Variants in GLYATL2 observed in about 807,000 individuals in gnomAD.
GLYATL2 encodes the protein glycine-N-acyltransferase like 2, also known as glycine N-acyltransferase-like protein 2.
In GLYATL2, 25 loss-of-function variants were observed where a neutral mutation model predicts 21.4. The ratio of observed to expected loss-of-function variants is 1.17; its 90% confidence interval spans 0.85 to 1.63. The LOEUF (loss-of-function observed/expected upper bound fraction) is 1.63. Among genes scored for constraint, GLYATL2 ranks in the 40% most tolerant of loss-of-function variants. The probability of loss-of-function intolerance (pLI) is 0.00; values close to 1 mark genes in which losing one functional copy is unlikely to be tolerated. For missense variants in GLYATL2, 361 were observed against 343.3 expected (o/e 1.05, Z -0.41); for synonymous variants, 114 against 118.2 (o/e 0.96, Z 0.23).
At chr11:58,869,630 G>A (rs889874429) in intron 1 of GLYATL2, among the ~76,000 whole-genome samples, 9 of 152,174 alleles carry the variant, frequency 5.9e-5, no homozygotes, top group African/African-American at 2.2e-4. Context: ...GTATGCACAT[G>A]TGTTACCTTA....
intron 1 of GLYATL2, chr11:58,885,505 C>A (rs1442689458): frequency 4.0e-6 from 2 of 501,014 alleles, no homozygotes; most frequent in Non-Finnish European, 8.0e-6. Context: ...ACTCCTGGCC[C>A]GAGTATCAGA....
At chr11:58,848,129 C>G (rs1338012695), upstream of GLYATL2, among the ~76,000 whole-genome samples, 1 of 151,408 alleles carries the variant, frequency 6.6e-6, no homozygotes, top group Non-Finnish European at 1.5e-5. Context: ...CTTCAAAAAC[C>G]ACAGTATTAC....
rs574497 is a variant in GLYATL2 at position 58,877,625 on chromosome 11, C to T, written n.60+26531G>A. On this transcript the variant is annotated intron_variant and non_coding_transcript_variant, in intron 1 of 4. Coordinates refer to the GLYATL2 transcript ENST00000533636. ...AAGAGAGTGTGCTGTCTTGGAAACCCAGTGAAGAAAGTCCATTAAAGAATG... is the reference window on the plus strand; with the variant it reads ...AAGAGAGTGTGCTGTCTTGGAAACCTAGTGAAGAAAGTCCATTAAAGAATG... 4.7e-3 allele frequency among the ~76,000 whole-genome samples: 712 copies of T among 152,266 alleles called. 6 individuals carry two copies. Among genetic ancestry groups the T allele is most frequent in the African/African-American group, 0.016 (676 of 41,502 alleles).
At chr11:58,851,300 C>T (rs1402664849) in intron 1 of GLYATL2, among the ~76,000 whole-genome samples, 1 of 152,158 alleles carries the variant, frequency 6.6e-6, no homozygotes, top group Non-Finnish European at 1.5e-5. Context: ...AACGCACAGA[C>T]CCTGTGGGGC....
intron 1 of GLYATL2, chr11:58,892,489 A>C (rs1430471963): frequency 1.2e-5 from 2 of 167,184 alleles, no homozygotes; most frequent in Non-Finnish European, 2.7e-5. Flanking sequence ...AAATTCACAG[A>C]AACTCTGGGG....
intron 1 of GLYATL2, among the ~76,000 whole-genome samples, chr11:58,843,730 T>G (rs994787341): frequency 6.7e-6 from 1 of 149,398 alleles, no homozygotes; most frequent in Non-Finnish European, 1.5e-5. Flanking sequence ...CAGGGAAAAA[T>G]GTACTTAAAA....
chr11:58,862,991 G>T (rs1853958571), intron 1 of GLYATL2, among the ~76,000 whole-genome samples: 1 of 152,200 alleles, frequency 6.6e-6, no homozygotes, highest in Non-Finnish European at 1.5e-5. Context: ...TCTTGGTAGG[G>T]TGTCTGTTGT....
chr11:58,849,687 C>T (rs1208621404), upstream of GLYATL2, among the ~76,000 whole-genome samples: 1 of 152,134 alleles, frequency 6.6e-6, no homozygotes, highest in East Asian at 1.9e-4. Context: ...AACACAAGAA[C>T]AGAAAACCAA....
intron 1 of GLYATL2, among the ~76,000 whole-genome samples, chr11:58,850,373 C>A (rs1853718085): frequency 6.6e-6 from 1 of 151,956 alleles, no homozygotes; most frequent in East Asian, 1.9e-4. Context: ...CGAGCTGTTC[C>A]AGTGTGATAA....
At chr11:58,891,766 G>A (rs1022864456) in intron 1 of GLYATL2, among the ~76,000 whole-genome samples, 3 of 152,186 alleles carry the variant, frequency 2.0e-5, no homozygotes, top group Non-Finnish European at 4.4e-5. Flanking sequence ...GAGGTTACGT[G>A]GGGCACAGTA....
intron 1 of GLYATL2, among the ~76,000 whole-genome samples, chr11:58,877,764 G>A (rs1854263637): frequency 6.6e-6 from 1 of 152,196 alleles, no homozygotes; most frequent in Admixed American, 6.5e-5. Flanking sequence ...AATTAGATAA[G>A]ATTAGGAGGG....
At chr11:58,901,752 A>G (rs1002352160) in intron 1 of GLYATL2, among the ~76,000 whole-genome samples, 3 of 152,182 alleles carry the variant, frequency 2.0e-5, no homozygotes, top group Admixed American at 2.0e-4. Context: ...CAACAGTCAC[A>G]CCTACCTCAA....
Position 58,838,342 on chromosome 11 carries a change from T to G in GLYATL2, c.105A>C (p.Lys35Asn), listed in dbSNP as rs578207248. 100 of 1,612,868 alleles carry G rather than the reference T, an allele frequency of 6.2e-5. No individual in the cohort carries two copies. In the Admixed American group the frequency reaches 1.0e-3, roughly 17 times the overall value. ...IKVYGAIFNI[K>N]DKNPFNMEVL... ...CCTCCATGTTGAAAGGGTTTTTATC[T>G]TTTATGTTGAAAATGGCGCCATATA... Residue 35 changes from lysine to asparagine, a missense_variant, in exon 3 of 6, where the codon AAA (lysine) becomes AAC (asparagine). By Grantham distance (94) the Lys-to-Asn change is moderately conservative (BLOSUM62 0). Coordinates refer to ENST00000287275, the MANE Select transcript of GLYATL2 (RefSeq NM_145016.4).
rs1854602349 is a variant in GLYATL2 at position 58,894,493 on chromosome 11, A to AAAAG, written n.60+9662_60+9663insCTTT. On this transcript the variant is annotated intron_variant and non_coding_transcript_variant, in intron 1 of 4. Coordinates refer to the GLYATL2 transcript ENST00000533636. ...AGCTATAGCAAAAAAAAAAAAAAAA[A>AAAAG]GCATTTTCATTCTTTCTGATAATCT... Among the ~76,000 whole-genome samples the AAAAG allele has an allele frequency of 2.6e-5, 4 of 151,486 alleles. 1 individual carries two copies. The highest frequency in any genetic ancestry group is 5.9e-5 in the Non-Finnish European group (4 of 67,880).
chr11:58,902,184 G>A (rs1337612341), intron 1 of GLYATL2, among the ~76,000 whole-genome samples: 1 of 152,128 alleles, frequency 6.6e-6, no homozygotes, highest in African/African-American at 2.4e-5. Flanking sequence ...TTGTTAGCAG[G>A]AGTGAGTGAG....
Position 58,834,418 on chromosome 11 carries a change from A to T in GLYATL2, c.*11T>A, listed in dbSNP as rs375557481. On this transcript the variant is annotated 3_prime_UTR_variant, in exon 6 of 6. Transcript: ENST00000287275. ...CTGATAAGAAAGATTTGAAATGGAC[A>T]GTGGAATCAATCAACAATATTTCTT... is the stretch of plus-strand genomic sequence containing the variant. The T allele has an allele frequency of 1.0e-5, 16 of 1,561,912 alleles. No homozygotes were observed. The African/African-American group carries it at 2.2e-4, about 21-fold the overall frequency.
In GLYATL2 at chr11:58,836,637, A is replaced by G. The variant is rs1478095854; in HGVS notation, c.476+378T>C. ...TAAAAGCATACATATCAGTGTCAAA[A>G]TTATTTACACCTAGCAAGGGAACCC... On this transcript the variant is annotated intron_variant, in intron 5 of 5. Transcript: ENST00000287275. 2.0e-5 allele frequency among the ~76,000 whole-genome samples: 3 copies of G among 152,170 alleles called. No homozygotes were observed. In the East Asian group the frequency reaches 5.8e-4, roughly 29 times the overall value.
chr11:58,868,245 G>C (rs1459584472), intron 1 of GLYATL2, among the ~76,000 whole-genome samples: 1 of 148,672 alleles, frequency 6.7e-6, no homozygotes, highest in Non-Finnish European at 1.5e-5. Flanking sequence ...TTGACCCTCT[G>C]GTCTTAGAGC....
At chr11:58,839,093 T>C (rs765980546) in intron 2 of GLYATL2, among the ~76,000 whole-genome samples, 8 of 152,148 alleles carry the variant, frequency 5.3e-5, no homozygotes, top group Admixed American at 1.3e-4. Flanking sequence ...CAGGAGAATG[T>C]TGAGAGGCAA....
Sources: gnomAD v4.1 joint callset for allele counts (sites outside exome capture counted in the v4.1 genomes callset) on GRCh38, gnomAD v4.1.1 for gene constraint, MANE v1.5 for transcripts, NCBI Gene and HGNC (gene_info 2026-07-23, HGNC 2026-07-21) for gene names.